Variants in SHANK2 observed in about 807,000 individuals in gnomAD.
The protein encoded by SHANK2 is SH3 and multiple ankyrin repeat domains 2.
SHANK2 carries 43 observed loss-of-function variants against 133.7 expected under a neutral mutation model. The ratio of observed to expected loss-of-function variants is 0.32; its 90% CI spans 0.25 to 0.41. The LOEUF (loss-of-function observed/expected upper bound fraction) is 0.41. SHANK2 is among the 10% of genes least tolerant of loss of function. The probability of loss-of-function intolerance (pLI) is 1.00; values close to 1 mark genes in which losing one functional copy is unlikely to be tolerated. For synonymous variants in SHANK2, 1,017 were observed against 952.8 expected (o/e 1.07, Z -1.24); for missense variants, 1,994 against 2,235.8 (o/e 0.89, Z 2.18).
chr11:70,742,496 C>T (rs1428391275), intron 14 of SHANK2, among the ~76,000 whole-genome samples: 1 of 152,204 alleles, frequency 6.6e-6, no homozygotes, highest in African/African-American at 2.4e-5. Flanking sequence ...CTAGTAACTA[C>T]CCAGGCCAAG....
intron 17 of SHANK2, among the ~76,000 whole-genome samples, chr11:70,636,139 C>A (rs533484): frequency 0.42 from 63,650 of 152,038 alleles, 13,728 homozygotes; most frequent in Middle Eastern, 0.49. Context: ...AAGGCGTGGT[C>A]TCTGCCCTGT....
In SHANK2 at chr11:70,569,409, G is replaced by A. The variant is rs1027279027; in HGVS notation, c.2062-66478C>T. Reference sequence around the variant, plus strand: ...GCTCCGGGGCTGGCAGAGTGAGCAGGGCCTGGGTCCTGAGGGAGAAGGCGG... The same window carrying A: ...GCTCCGGGGCTGGCAGAGTGAGCAGAGCCTGGGTCCTGAGGGAGAAGGCGG... On this transcript the variant is annotated intron_variant, in intron 17 of 25. Coordinates refer to ENST00000601538, the MANE Select transcript of SHANK2 (RefSeq NM_012309.5). The surrounding 1 kb of genome is among the most constrained non-coding windows in gnomAD (Gnocchi z 5.1). 6.6e-6 allele frequency among the ~76,000 whole-genome samples: 1 copy of A among 152,316 alleles called. No individual in the cohort carries two copies. Among genetic ancestry groups the A allele is most frequent in the East Asian group, 1.9e-4 (1 of 5,170 alleles).
At chr11:70,894,486 C>T (rs1469320866) in intron 11 of SHANK2, among the ~76,000 whole-genome samples, 1 of 152,108 alleles carries the variant, frequency 6.6e-6, no homozygotes, top group Non-Finnish European at 1.5e-5. Context: ...CGCGCCTGGC[C>T]CCTCCTGTTT....
Position 70,828,681 on chromosome 11 carries a change from C to T in SHANK2, c.1175-7999G>A, listed in dbSNP as rs145580041. Among the ~76,000 whole-genome samples the T allele has an allele frequency of 3.4e-3, 524 of 152,358 alleles. 1 individual carries two copies. Among genetic ancestry groups the T allele is most frequent in the African/African-American group, 0.012 (512 of 41,590 alleles). The stretch of plus-strand genomic sequence containing the variant: ...TCATTGCCATGTGCTGGCCTGGCTG[C>T]CTGCCCTGGCTGGCGAGCGCTGGGA... On this transcript the variant is annotated intron_variant, in intron 11 of 25. Transcript: ENST00000601538.
intron 2 of SHANK2, among the ~76,000 whole-genome samples, chr11:71,152,764 C>G (rs1429974225): frequency 2.0e-5 from 3 of 152,162 alleles, no homozygotes; most frequent in Non-Finnish European, 4.4e-5. Context: ...CTTTCCAGAA[C>G]TATCCTGGGA....
chr11:70,760,605 C>T (rs1346540706), intron 14 of SHANK2, among the ~76,000 whole-genome samples: 1 of 152,234 alleles, frequency 6.6e-6, no homozygotes, highest in Non-Finnish European at 1.5e-5. Context: ...CAGCATTCAG[C>T]CTGACAGGAC....
intron 17 of SHANK2, among the ~76,000 whole-genome samples, chr11:70,593,046 C>T (rs1554988451): frequency 6.6e-6 from 1 of 152,190 alleles, no homozygotes; most frequent in African/African-American, 2.4e-5. Context: ...GCATGAAAAA[C>T]TTCCCACGTC....
chr11:70,874,556 T>C (rs1332814962), intron 11 of SHANK2, among the ~76,000 whole-genome samples: 2 of 152,074 alleles, frequency 1.3e-5, no homozygotes, highest in Non-Finnish European at 1.5e-5. Flanking sequence ...ATTTTATTGA[T>C]TTGTGCATCA....
intron 3 of SHANK2, among the ~76,000 whole-genome samples, chr11:71,137,019 T>C (rs1310308903): frequency 3.3e-5 from 5 of 152,068 alleles, no homozygotes; most frequent in Non-Finnish European, 1.5e-5. Flanking sequence ...TGCGCCACCA[T>C]GCCCAGCTAA....
intron 17 of SHANK2, among the ~76,000 whole-genome samples, chr11:70,626,121 T>C (rs2060902280): frequency 6.6e-6 from 1 of 152,152 alleles, no homozygotes; most frequent in Non-Finnish European, 1.5e-5. Flanking sequence ...AAGAAACCGT[T>C]GCCAAGAGTC....
Position 71,193,648 on chromosome 11 carries a change from C to T in SHANK2, c.-13+31049G>A, listed in dbSNP as rs116533554. On this transcript the variant is annotated intron_variant, in intron 2 of 25. Transcript: ENST00000601538. ...CCGTCCAGAGCTCTCCAGCCTGCTC[C>T]GGCCCTGGGCACCTGCACGAGTTGG... Among the ~76,000 whole-genome samples, 959 of 152,330 alleles carry T rather than the reference C, an allele frequency of 6.3e-3. 9 individuals carry two copies. Among genetic ancestry groups the T allele is most frequent in the African/African-American group, 0.022 (904 of 41,574 alleles).
At chr11:71,223,558 C>T (rs1954592148) in intron 2 of SHANK2, among the ~76,000 whole-genome samples, 1 of 152,124 alleles carries the variant, frequency 6.6e-6, no homozygotes, top group Non-Finnish European at 1.5e-5. Flanking sequence ...AGAGAAAGTA[C>T]TTAGGTTATA....
At position 70,739,967 on chromosome 11, in the gene SHANK2, C is replaced by T. The variant is rs1010485410; in HGVS notation, c.1778-41204G>A. The stretch of plus-strand genomic sequence containing the variant: ...GCACAGAAGTCCAGCTTGGCTCCTT[C>T]GCCATCAGGAGACCTTGGACAGTCA... On this transcript the variant is annotated intron_variant, in intron 14 of 25. Coordinates refer to ENST00000601538, the MANE Select transcript of SHANK2 (RefSeq NM_012309.5). The surrounding 1 kb of genome is among the most constrained non-coding windows in gnomAD (Gnocchi z 4.3). 1.3e-5 allele frequency among the ~76,000 whole-genome samples: 2 copies of T among 152,234 alleles called. No individual in the cohort carries two copies. Among genetic ancestry groups the T allele is most frequent in the Admixed American group, 6.5e-5 (1 of 15,284 alleles).
At chr11:71,252,923 G>T (rs1022589344), upstream of SHANK2, among the ~76,000 whole-genome samples, 3 of 152,238 alleles carry the variant, frequency 2.0e-5, no homozygotes, top group Non-Finnish European at 2.9e-5. The surrounding 1 kb of genome is among the most constrained non-coding windows in gnomAD (Gnocchi z 6.3). Context: ...CGGTCTGCAC[G>T]GTTATCCCGA....
chr11:70,790,784 C>T (rs571895240), intron 14 of SHANK2, among the ~76,000 whole-genome samples: 1 of 152,294 alleles, frequency 6.6e-6, no homozygotes, highest in South Asian at 2.1e-4. Flanking sequence ...GCTCCTGGCC[C>T]GGGACCACAG....
chr11:70,624,488 T>C (rs537281439), intron 17 of SHANK2, among the ~76,000 whole-genome samples: 7 of 151,784 alleles, frequency 4.6e-5, no homozygotes, highest in African/African-American at 1.5e-4. Context: ...TCAGAATCCA[T>C]TTCCATCTTT....
At chr11:70,862,893 G>A (rs930189098) in intron 11 of SHANK2, 7 of 263,108 alleles carry the variant, frequency 2.7e-5, no homozygotes, top group South Asian at 2.2e-4. Context: ...GAGGAGACAT[G>A]GGTGTGGGGC....
chr11:70,520,880 G>A (rs2059322008), intron 17 of SHANK2, among the ~76,000 whole-genome samples: 2 of 152,184 alleles, frequency 1.3e-5, no homozygotes, highest in Non-Finnish European at 2.9e-5. Context: ...GCCTCTGGGA[G>A]CTCCCTGGGA....
At chr11:70,711,415 G>A (rs1431828123) in intron 14 of SHANK2, among the ~76,000 whole-genome samples, 5 of 152,264 alleles carry the variant, frequency 3.3e-5, no homozygotes, top group East Asian at 1.9e-4. Context: ...AGCCAAAAGC[G>A]GGATCAGAAC....
Sources: gnomAD v4.1 joint callset for allele counts (sites outside exome capture counted in the v4.1 genomes callset) on GRCh38, gnomAD v4.1.1 for gene constraint, Gnocchi (gnomAD v3.1) non-coding constraint, MANE v1.5 for transcripts, NCBI Gene and HGNC (gene_info 2026-07-23, HGNC 2026-07-21) for gene names.